CYFIP2: variants seen among roughly 807,000 people sequenced by gnomAD.
The protein encoded by CYFIP2 is cytoplasmic FMR1 interacting protein 2.
A neutral mutation model predicts 158.7 loss-of-function variants in CYFIP2; 29 were observed. The ratio of observed to expected loss-of-function variants is 0.18; its 90% CI spans 0.14 to 0.25. The LOEUF (loss-of-function observed/expected upper bound fraction) is 0.25, where lower values mean the gene tolerates loss of function less well. Among genes scored for constraint, CYFIP2 ranks in the 10% least tolerant of loss-of-function variants. The pLI is 1.00. For missense variants in CYFIP2, 852 were observed against 1,639.5 expected (o/e 0.52, Z 8.29); for synonymous variants, 585 against 617.6 (o/e 0.95, Z 0.78).
At chr5:157,280,560 G>A (rs1756916586) in intron 1 of CYFIP2, among the ~76,000 whole-genome samples, 1 of 151,924 alleles carries the variant, frequency 6.6e-6, no homozygotes, top group Non-Finnish European at 1.5e-5. Context: ...TAGCCCAGAA[G>A]AAACCTAGTT....
At chr5:157,288,624 C>T (rs1385427995) in intron 3 of CYFIP2, 1 of 456,120 alleles carries the variant, frequency 2.2e-6, no homozygotes, top group Admixed American at 2.4e-5. Context: ...ATTTTAGATG[C>T]ATTGTCTCAT....
chr5:157,369,342 TAG>T (rs1764754513), intron 26 of CYFIP2, among the ~76,000 whole-genome samples: 1 of 152,088 alleles, frequency 6.6e-6, no homozygotes, highest in South Asian at 2.1e-4. Flanking sequence ...AGATACAAAA[TAG>T]AGTGAAAAAT....
intron 3 of CYFIP2, among the ~76,000 whole-genome samples, chr5:157,292,240 A>G (rs1412491723): frequency 1.4e-5 from 2 of 144,010 alleles, no homozygotes; most frequent in African/African-American, 2.6e-5. Flanking sequence ...TTTTTTTGAG[A>G]TGGAGTTTTG....
intron 26 of CYFIP2, among the ~76,000 whole-genome samples, chr5:157,366,444 G>A (rs1236799628): frequency 2.6e-5 from 4 of 152,138 alleles, no homozygotes; most frequent in Non-Finnish European, 2.9e-5. Context: ...ACTCTAACGC[G>A]TGAAGATGGG....
intron 26 of CYFIP2, among the ~76,000 whole-genome samples, chr5:157,369,480 G>A (rs890386450): frequency 3.3e-5 from 5 of 152,078 alleles, no homozygotes; most frequent in African/African-American, 1.2e-4. Context: ...ATCAGGGGAG[G>A]GACATTTCAG....
chr5:157,322,865 T>TCTCTTTCTCTCTCTCC, intron 15 of CYFIP2: 2 of 1,386,114 alleles, frequency 1.4e-6, no homozygotes, highest in Non-Finnish European at 2.0e-6. Context: ...TCTCTCTCTC[T>TCTCTTTCTCTCTCTCC]CTCTTTCTCT....
At chr5:157,267,151 T>C (rs1203417704) in intron 1 of CYFIP2, among the ~76,000 whole-genome samples, 1 of 152,162 alleles carries the variant, frequency 6.6e-6, no homozygotes, top group Admixed American at 6.5e-5. Context: ...TTGCCTACTT[T>C]CCCCAGCACA....
At chr5:157,325,842 T>C (rs1222456099) in intron 17 of CYFIP2, 5 of 574,938 alleles carry the variant, frequency 8.7e-6, no homozygotes. Context: ...CCAACTGCCC[T>C]TCCTATGCCT....
At chr5:157,300,250 G>A (rs986562371) in intron 5 of CYFIP2, among the ~76,000 whole-genome samples, 6 of 152,160 alleles carry the variant, frequency 3.9e-5, no homozygotes, top group African/African-American at 1.4e-4. Flanking sequence ...AATCAGCTTC[G>A]GGCCAGGTAT....
intron 13 of CYFIP2, among the ~76,000 whole-genome samples, chr5:157,317,574 C>T (rs1760251502): frequency 6.6e-6 from 1 of 152,162 alleles, no homozygotes; most frequent in Non-Finnish European, 1.5e-5. Context: ...TTCCTTCCCC[C>T]ATCTTCCCAT....
chr5:157,296,779 G>C lies in CYFIP2; in HGVS notation c.387+5G>C. ...ATGAAGTTCATGTATTTTCAGGTGA[G>C]TGGGGAGGGGCAGGTCTGCATCTGG... On this transcript the variant is annotated splice_donor_5th_base_variant and intron_variant, in intron 5 of 30. Transcript: ENST00000620254. 1 of 1,611,374 alleles carries C rather than the reference G, an allele frequency of 6.2e-7. No individual in the cohort carries two copies. The highest frequency in any genetic ancestry group is 8.5e-7 in the Non-Finnish European group (1 of 1,177,836).
intron 23 of CYFIP2, among the ~76,000 whole-genome samples, chr5:157,344,098 TG>T (rs2113267031): frequency 6.6e-6 from 1 of 152,362 alleles, no homozygotes; most frequent in East Asian, 1.9e-4. Context: ...CGTCACTCTT[TG>T]GCAGCTGATC....
At chr5:157,323,634 T>C (rs929548118) in intron 15 of CYFIP2, among the ~76,000 whole-genome samples, 1 of 152,228 alleles carries the variant, frequency 6.6e-6, no homozygotes, top group Non-Finnish European at 1.5e-5. Flanking sequence ...TGACACGTAA[T>C]GAGGTTCTCC....
intron 23 of CYFIP2, among the ~76,000 whole-genome samples, chr5:157,352,355 A>G (rs895918609): frequency 2.6e-5 from 4 of 152,206 alleles, no homozygotes. Context: ...TGCTGCAGCA[A>G]GCTGGGCACA....
intron 23 of CYFIP2, among the ~76,000 whole-genome samples, chr5:157,352,828 T>C (rs1330822143): frequency 6.6e-6 from 1 of 152,194 alleles, no homozygotes; most frequent in Non-Finnish European, 1.5e-5. Context: ...TCTTGGGTTA[T>C]GCTGGGTCCT....
chr5:157,281,219 T>A (rs1443443214), intron 1 of CYFIP2, among the ~76,000 whole-genome samples: 2 of 152,194 alleles, frequency 1.3e-5, no homozygotes, highest in Admixed American at 6.5e-5. Flanking sequence ...TTGTTTTGGA[T>A]CCAGCATTCT....
At chr5:157,314,908 C>T in intron 12 of CYFIP2, 61 bp from the exon 13 acceptor site, 2 of 1,313,244 alleles carry the variant, frequency 1.5e-6, no homozygotes, top group Middle Eastern at 1.8e-4. Flanking sequence ...CATGGATCCA[C>T]CACATTCTGT....
At chr5:157,383,236 C>T (rs890803248) in intron 27 of CYFIP2, 29 bp from the exon 28 acceptor site, 3 of 1,607,646 alleles carry the variant, frequency 1.9e-6, no homozygotes, top group Non-Finnish European at 2.6e-6. Context: ...CCCTGAGTCT[C>T]ATTTTCTGCT....
At chr5:157,308,887 C>T (rs1759466617) in intron 9 of CYFIP2, among the ~76,000 whole-genome samples, 1 of 152,170 alleles carries the variant, frequency 6.6e-6, no homozygotes, top group Non-Finnish European at 1.5e-5. Flanking sequence ...AAGTCTGGCT[C>T]TGCCACTTAA....
Sources: allele counts gnomAD v4.1 joint callset (sites outside exome capture counted in the v4.1 genomes callset), GRCh38; gene constraint gnomAD v4.1.1; transcripts MANE v1.5; gene names NCBI Gene and HGNC (gene_info 2026-07-23, HGNC 2026-07-21).